Variants in PNKD observed in about 807,000 individuals in gnomAD.
The protein encoded by PNKD is PNKD metallo-beta-lactamase domain containing, also known as probable thioesterase PNKD.
PNKD carries 36 observed loss-of-function variants against 45.3 expected under a neutral mutation model. The observed-to-expected ratio is 0.80, with a 90% confidence interval of 0.61 to 1.05. PNKD has a LOEUF of 1.05. PNKD is among the 50% of genes least tolerant of loss of function. PNKD has a pLI of 0.00. For missense variants in PNKD, 511 were observed against 506.6 expected, an observed-to-expected ratio of 1.01 and a Z score of -0.08; for synonymous variants, 197 against 210.1, an observed-to-expected ratio of 0.94 and a Z score of 0.54.
chr2:218,296,811 G>C (rs991592937), intron 2 of PNKD, among the ~76,000 whole-genome samples: 2 of 151,964 alleles, frequency 1.3e-5, no homozygotes, highest in African/African-American at 4.8e-5. Flanking sequence ...CTGAGTAGCT[G>C]AGATTACAGG....
intron 2 of PNKD, among the ~76,000 whole-genome samples, chr2:218,295,226 T>C (rs1010109831): frequency 3.3e-5 from 5 of 152,234 alleles, no homozygotes; most frequent in Non-Finnish European, 7.3e-5. Flanking sequence ...TTGGGCCTTA[T>C]CTGCAAAATT....
At chr2:218,277,335 G>T (rs763639182) in intron 2 of PNKD, 1 of 1,598,768 alleles carries the variant, frequency 6.3e-7, no homozygotes, top group Non-Finnish European at 8.6e-7. Flanking sequence ...GGGGAGTCGG[G>T]GGGCCAGGGA....
At chr2:218,275,697 C>T (rs1235884108) in intron 2 of PNKD, 26 of 1,544,830 alleles carry the variant, frequency 1.7e-5, no homozygotes, top group Non-Finnish European at 2.2e-5. Context: ...GCAGATTTGT[C>T]TTGGGGGCCT....
chr2:218,344,981 A>T lies in PNKD; in HGVS notation c.1158A>T (p.Ter386CysextTer56), dbSNP rs1385672877. The change falls in exon 10 of 10, where the codon TGA becomes TGT. Residue 386 changes from the stop codon to cysteine (C), a stop_lost. Coordinates refer to ENST00000273077, the MANE Select transcript of PNKD (RefSeq NM_015488.5). ...RRLKDMHKSK[*>C] The stretch of plus-strand genomic sequence containing the variant: ...TGAAGGATATGCACAAGAGCAAGTG[A>T]TGCCCCCAGCGCCCCCAGCCCAGCC... 1.2e-6 allele frequency: 2 copies of T among 1,611,370 alleles called. No individual in the cohort carries two copies. The highest frequency in any genetic ancestry group is 2.7e-5 in the African/African-American group (2 of 74,944).
At chr2:218,282,775 G>T (rs1306975988) in intron 2 of PNKD, among the ~76,000 whole-genome samples, 1 of 152,242 alleles carries the variant, frequency 6.6e-6, no homozygotes, top group African/African-American at 2.4e-5. Context: ...GGACCCGGGG[G>T]CCAGTGGCAG....
chr2:218,342,709 A>C (rs1381649552), intron 7 of PNKD, among the ~76,000 whole-genome samples: 1 of 152,004 alleles, frequency 6.6e-6, no homozygotes, highest in Admixed American at 6.6e-5. Context: ...CAAAACAGAA[A>C]AAAAAATTTA....
chr2:218,316,179 C>A (rs1693806603), intron 2 of PNKD, among the ~76,000 whole-genome samples: 1 of 152,014 alleles, frequency 6.6e-6, no homozygotes, highest in Non-Finnish European at 1.5e-5. Context: ...TTGGAGACAG[C>A]CTTTCAGGAA....
chr2:218,330,379 T>TG (rs757918102), intron 2 of PNKD, among the ~76,000 whole-genome samples: 45 of 152,160 alleles, frequency 3.0e-4, no homozygotes, highest in Non-Finnish European at 4.9e-4. Flanking sequence ...GAGGGGCGTC[T>TG]GGGGGGGCAG....
chr2:218,275,917 G>T, intron 2 of PNKD: 3 of 1,300,840 alleles, frequency 2.3e-6, no homozygotes, highest in Non-Finnish European at 3.2e-6. Context: ...GGAATGGCCT[G>T]CTATGGCCCC....
chr2:218,334,523 C>T (rs188662521), intron 2 of PNKD, among the ~76,000 whole-genome samples: 26 of 152,238 alleles, frequency 1.7e-4, no homozygotes, highest in Non-Finnish European at 2.2e-4. Flanking sequence ...CATGGTGGCA[C>T]GCACCTGTAG....
chr2:218,271,311 A>T, intron 1 of PNKD, 70 bp from the exon 2 acceptor site: 2 of 1,338,040 alleles, frequency 1.5e-6, no homozygotes, highest in Non-Finnish European at 2.2e-6. Context: ...CCAAGCCCTT[A>T]CTGCCCCCCA....
intron 2 of PNKD, among the ~76,000 whole-genome samples, chr2:218,324,993 T>TTTTA: frequency 8.4e-6 from 1 of 119,458 alleles, no homozygotes; most frequent in African/African-American, 3.0e-5. Flanking sequence ...ATCTAAATAA[T>TTTTA]TTTCTTTTTT....
At chr2:218,338,215 C>T (rs971129714) in intron 2 of PNKD, among the ~76,000 whole-genome samples, 2 of 151,950 alleles carry the variant, frequency 1.3e-5, no homozygotes, top group Non-Finnish European at 2.9e-5. Flanking sequence ...AATCCCAGCA[C>T]TTTGAAAGGC....
At chr2:218,270,795 C>T (rs1690799660) in intron 1 of PNKD, 193 bp downstream of exon 1, 1 of 409,120 alleles carries the variant, frequency 2.4e-6, no homozygotes, top group Admixed American at 4.3e-5. Context: ...TTGCTCGACA[C>T]CTCCGGGGTC....
chr2:218,319,501 G>A (rs1693925622), intron 2 of PNKD, among the ~76,000 whole-genome samples: 1 of 148,220 alleles, frequency 6.7e-6, no homozygotes, highest in Non-Finnish European at 1.5e-5. Context: ...TCAGCCTCCT[G>A]AGTAGCTGGG....
In PNKD at chr2:218,270,521, G is replaced by A. The variant is rs771466269; in HGVS notation, c.-15G>A. ...CCCGGCGGGGAGCGCGGTGAAGCGG[G>A]GGTGGGATCTGAACATGGCGGCGGT... On this transcript the variant is annotated 5_prime_UTR_variant, in exon 1 of 10. Coordinates refer to ENST00000273077, the MANE Select transcript of PNKD (RefSeq NM_015488.5). 6.6e-6 allele frequency: 8 copies of A among 1,217,482 alleles called. No homozygotes were observed. The East Asian group carries it at 1.5e-4, about 23-fold the overall frequency. The allele number at this position is 1,217,482 out of a possible 1,614,324, so 75.4% of individuals were successfully genotyped here. A position where few individuals can be genotyped will look rare whatever the true frequency, so the allele number is the denominator to read the frequency against.
At chr2:218,276,730 G>A (rs912631699) in intron 2 of PNKD, among the ~76,000 whole-genome samples, 2 of 152,166 alleles carry the variant, frequency 1.3e-5, no homozygotes, top group East Asian at 1.9e-4. Flanking sequence ...ATTCTCAGCT[G>A]CCAGCCAGAT....
intron 2 of PNKD, among the ~76,000 whole-genome samples, chr2:218,319,968 A>G (rs2891079): frequency 0.59 from 90,083 of 152,138 alleles, 27,092 homozygotes; most frequent in South Asian, 0.68. Flanking sequence ...CCAAGGGGAG[A>G]GAGCATAGGC....
intron 2 of PNKD, among the ~76,000 whole-genome samples, chr2:218,300,157 A>G (rs139118644): frequency 5.6e-4 from 85 of 152,258 alleles, no homozygotes; most frequent in Non-Finnish European, 1.1e-3. Flanking sequence ...ACTCTACCTT[A>G]TGGTTCTCAG....
Sources: gnomAD v4.1 joint callset for allele counts (sites outside exome capture counted in the v4.1 genomes callset) on GRCh38, gnomAD v4.1.1 for gene constraint, MANE v1.5 for transcripts, NCBI Gene and HGNC (gene_info 2026-07-23, HGNC 2026-07-21) for gene names.